The following PHIP variants were observed in gnomAD, a reference collection of about 807,000 sequenced individuals.
PHIP encodes the protein PH-interacting protein.
In PHIP, 54 loss-of-function variants were observed where a neutral mutation model predicts 236.8. That is an observed-to-expected ratio of 0.23 (90% CI 0.18 to 0.29). The LOEUF is 0.29. Among genes scored for constraint, PHIP ranks in the 10% least tolerant of loss-of-function variants. The probability of loss-of-function intolerance (pLI) is 1.00; values close to 1 mark genes in which losing one functional copy is unlikely to be tolerated. For missense variants in PHIP, 1,370 were observed against 2,190.8 expected (o/e 0.63, Z 7.48); for synonymous variants, 756 against 718.9 (o/e 1.05, Z -0.83).
intron 15 of PHIP, among the ~76,000 whole-genome samples, chr6:79,013,487 C>G (rs1195855679): frequency 6.6e-6 from 1 of 151,584 alleles, no homozygotes; most frequent in Non-Finnish European, 1.5e-5. Context: ...TAACAATAAA[C>G]AATTTTTAAG....
rs1331298056 is a variant in PHIP at position 78,961,686 on chromosome 6, T to C, written c.3656+4A>G. 6.2e-7 allele frequency: 1 copy of C among 1,611,522 alleles called. No individual in the cohort carries two copies. The highest frequency in any genetic ancestry group is 8.5e-7 in the Non-Finnish European group (1 of 1,178,136). ...TGATAGTAGCTACATCAAATGGTTC[T>C]AACCTGTAAAACCTGTTTTCCAGTC... On this transcript the variant is annotated splice_donor_region_variant and intron_variant, in intron 31 of 39. Transcript: ENST00000275034.
chr6:78,957,605 C>A (rs1401987132), intron 32 of PHIP: 7 of 150,244 alleles, frequency 4.7e-5, no homozygotes, highest in Admixed American at 4.0e-4. Flanking sequence ...ACTGAATAAT[C>A]CTGAATTTTT....
chr6:78,961,652 G>T, intron 31 of PHIP, 38 bp downstream of exon 31: 3 of 1,598,276 alleles, frequency 1.9e-6, no homozygotes, highest in South Asian at 1.1e-5. Context: ...AAGATCACCA[G>T]CTTTCCTTTG....
At chr6:79,075,619 T>C (rs530377770) in intron 4 of PHIP, among the ~76,000 whole-genome samples, 1 of 109,004 alleles carries the variant, frequency 9.2e-6, no homozygotes, top group South Asian at 3.2e-4. Flanking sequence ...TCAAAATTGA[T>C]AGCTCATTTT....
intron 17 of PHIP, among the ~76,000 whole-genome samples, chr6:78,999,907 T>C (rs2127730136): frequency 6.6e-6 from 1 of 152,172 alleles, no homozygotes; most frequent in Admixed American, 6.6e-5. Flanking sequence ...TTATACTTCT[T>C]TCCTGGTTTG....
chr6:78,957,433 T>A (rs1766496363), intron 32 of PHIP: 4 of 151,844 alleles, frequency 2.6e-5, no homozygotes, highest in Non-Finnish European at 2.9e-5. Flanking sequence ...GAGAATAAGG[T>A]AGAGAAAGGG....
chr6:78,999,746 G>T (rs1020631936), intron 17 of PHIP, among the ~76,000 whole-genome samples: 27 of 151,866 alleles, frequency 1.8e-4, no homozygotes, highest in Non-Finnish European at 2.9e-5. Flanking sequence ...TGAAGTAGTA[G>T]TAAGAAAGGT....
At chr6:78,996,451 A>G (rs1463719572) in intron 19 of PHIP, among the ~76,000 whole-genome samples, 1 of 152,206 alleles carries the variant, frequency 6.6e-6, no homozygotes, top group Non-Finnish European at 1.5e-5. Flanking sequence ...TTATTTTTCA[A>G]TTATTTCAGA....
At chr6:79,073,682 C>T (rs1346475316) in intron 4 of PHIP, among the ~76,000 whole-genome samples, 1 of 151,976 alleles carries the variant, frequency 6.6e-6, no homozygotes, top group Non-Finnish European at 1.5e-5. Context: ...TCCTATCCAT[C>T]ATTCCTATTC....
At chr6:79,015,285 T>G in intron 14 of PHIP, 69 bp from the exon 15 acceptor site, 1 of 1,218,022 alleles carries the variant, frequency 8.2e-7, no homozygotes, top group South Asian at 1.3e-5. Flanking sequence ...CATAATGAAA[T>G]ACCAATATGG....
intron 24 of PHIP, among the ~76,000 whole-genome samples, chr6:78,974,493 A>T (rs1386522652): frequency 6.6e-6 from 1 of 151,762 alleles, no homozygotes; most frequent in Non-Finnish European, 1.5e-5. Flanking sequence ...AAACACATTC[A>T]AAAGCTAGCA....
chr6:78,957,380 G>C (rs1343376647), intron 32 of PHIP: 1 of 151,794 alleles, frequency 6.6e-6, no homozygotes, highest in African/African-American at 2.4e-5. Context: ...CAAAAGCATA[G>C]CAATAATAGC....
At chr6:79,005,162 T>C (rs746249380) in intron 15 of PHIP, among the ~76,000 whole-genome samples, 19 of 151,946 alleles carry the variant, frequency 1.3e-4, no homozygotes, top group Non-Finnish European at 2.5e-4. Context: ...TAATGTTTAA[T>C]ATACACAAAA....
chr6:79,023,023 A>T (rs1391780373), intron 9 of PHIP, among the ~76,000 whole-genome samples: 1 of 152,248 alleles, frequency 6.6e-6, no homozygotes, highest in Non-Finnish European at 1.5e-5. Context: ...ATGTGTAAAC[A>T]CATAAAGAAA....
intron 39 of PHIP, among the ~76,000 whole-genome samples, chr6:78,944,158 AG>A (rs1256508333): frequency 6.6e-6 from 1 of 152,130 alleles, no homozygotes; most frequent in African/African-American, 2.4e-5. Context: ...ACAAAGACTC[AG>A]GAACTTCTAA....
intron 16 of PHIP, among the ~76,000 whole-genome samples, 200 bp downstream of exon 16, chr6:79,003,530 A>G (rs1770124476): frequency 6.6e-6 from 1 of 152,018 alleles, no homozygotes; most frequent in Non-Finnish European, 1.5e-5. Flanking sequence ...ATTTTCAAAT[A>G]ATAAGCCCTA....
intron 23 of PHIP, among the ~76,000 whole-genome samples, chr6:78,979,707 T>C (rs1257380133): frequency 6.6e-6 from 1 of 152,104 alleles, no homozygotes; most frequent in Admixed American, 6.6e-5. Flanking sequence ...AGTTATGCAA[T>C]TGATTAAAGT....
rs186193747 is a variant in PHIP at position 79,062,584 on chromosome 6, T to A, written c.190-1766A>T. On this transcript the variant is annotated intron_variant, in intron 4 of 39. Coordinates refer to ENST00000275034, the MANE Select transcript of PHIP (RefSeq NM_017934.7). ...CTTCAGATGTGTGATGATCCTGTTT[T>A]AGTATCCTCTGGCAAAATATATTTT... 6.2e-3 allele frequency among the ~76,000 whole-genome samples: 952 copies of A among 152,346 alleles called. 12 individuals are homozygous for A. Among genetic ancestry groups the A allele is most frequent in the African/African-American group, 0.022 (895 of 41,582 alleles).
chr6:78,948,001 G>A (rs1229079499), intron 35 of PHIP, among the ~76,000 whole-genome samples: 1 of 151,682 alleles, frequency 6.6e-6, no homozygotes, highest in Non-Finnish European at 1.5e-5. Context: ...CAAGAACACA[G>A]AAGTTATTAA....
Sources: allele counts gnomAD v4.1 joint callset (sites outside exome capture counted in the v4.1 genomes callset), GRCh38; gene constraint gnomAD v4.1.1; transcripts MANE v1.5; gene names NCBI Gene and HGNC (gene_info 2026-07-23, HGNC 2026-07-21).